The following ANKS1B variants were observed in gnomAD, a reference collection of about 807,000 sequenced individuals.
ANKS1B encodes the protein ankyrin repeat and sterile alpha motif domain-containing protein 1B.
Under a neutral mutation model 148.3 loss-of-function variants are expected in ANKS1B, and 36 were observed. The ratio of observed to expected loss-of-function variants is 0.24; its 90% CI spans 0.19 to 0.32. The LOEUF (loss-of-function observed/expected upper bound fraction) is 0.32. ANKS1B is among the 10% of genes least tolerant of loss of function. The pLI is 1.00. For synonymous variants in ANKS1B, 542 were observed against 560.8 expected, an observed-to-expected ratio of 0.97 and a Z score of 0.47; for missense variants, 1,157 against 1,542.6, an observed-to-expected ratio of 0.75 and a Z score of 4.19.
chr12:99,925,142 C>T (rs2094453559), intron 1 of ANKS1B, among the ~76,000 whole-genome samples: 1 of 152,084 alleles, frequency 6.6e-6, no homozygotes, highest in South Asian at 2.1e-4. Context: ...AAATTAAACC[C>T]TCTGTGGATA....
intron 17 of ANKS1B, among the ~76,000 whole-genome samples, chr12:99,014,553 C>A (rs2099941302): frequency 6.6e-6 from 1 of 152,100 alleles, no homozygotes; most frequent in Non-Finnish European, 1.5e-5. Context: ...AGCTTATGCA[C>A]AGCAAAAGAA....
rs1030307573 is a variant in ANKS1B, at chr12:99,403,760, T to C, written c.1576-3949A>G. Among the ~76,000 whole-genome samples the C allele has an allele frequency of 3.4e-5, 5 of 145,862 alleles. 2 individuals carry two copies. The highest frequency in any genetic ancestry group is 7.6e-5 in the Non-Finnish European group (5 of 66,104). ...TATGGTGATTCATCAAACAGAAATT[T>C]TGAGGATATTTCTGTTCCTAAAAAC... On this transcript the variant is annotated intron_variant, in intron 11 of 26. Coordinates refer to ENST00000683438, the MANE Select transcript of ANKS1B (RefSeq NM_001352186.2).
intron 11 of ANKS1B, among the ~76,000 whole-genome samples, chr12:99,409,555 A>G (rs1349829583): frequency 6.6e-6 from 1 of 152,110 alleles, no homozygotes; most frequent in Non-Finnish European, 1.5e-5. Flanking sequence ...GTTGATGAAC[A>G]CCCCATTTAC....
intron 24 of ANKS1B, among the ~76,000 whole-genome samples, chr12:98,778,733 G>A (rs2098704975): frequency 6.6e-6 from 1 of 152,128 alleles, no homozygotes; most frequent in African/African-American, 2.4e-5. Context: ...CTCCCACCCT[G>A]GCTGATGGTA....
intron 1 of ANKS1B, among the ~76,000 whole-genome samples, chr12:99,883,453 A>G (rs966275898): frequency 3.3e-5 from 5 of 152,208 alleles, no homozygotes; most frequent in African/African-American, 7.2e-5. Context: ...TAGTTTTTTG[A>G]GTAATAATTG....
At chr12:98,999,789 C>T (rs1433174385) in intron 17 of ANKS1B, among the ~76,000 whole-genome samples, 1 of 152,184 alleles carries the variant, frequency 6.6e-6, no homozygotes, top group Admixed American at 6.5e-5. Flanking sequence ...TTGGGCTGGG[C>T]TCTCCAAGTC....
intron 17 of ANKS1B, among the ~76,000 whole-genome samples, chr12:98,970,598 C>T (rs986541182): frequency 2.0e-5 from 3 of 152,298 alleles, no homozygotes; most frequent in African/African-American, 7.2e-5. Context: ...ACATCTAGTT[C>T]ATGTGGATCA....
intron 9 of ANKS1B, among the ~76,000 whole-genome samples, chr12:99,572,705 T>C (rs904641240): frequency 2.0e-5 from 3 of 152,000 alleles, no homozygotes; most frequent in Admixed American, 2.0e-4. Context: ...ATTAAATGGG[T>C]AAAATTCAGG....
intron 12 of ANKS1B, among the ~76,000 whole-genome samples, chr12:99,347,249 T>C (rs1255343966): frequency 1.3e-5 from 2 of 151,912 alleles, no homozygotes; most frequent in Non-Finnish European, 2.9e-5. Flanking sequence ...GAATATTAGA[T>C]GGGATAAACA....
intron 1 of ANKS1B, among the ~76,000 whole-genome samples, chr12:99,872,333 T>C (rs78718053): frequency 0.01 from 1,589 of 152,214 alleles, 29 homozygotes; most frequent in African/African-American, 0.036. Context: ...TTCTAGATGG[T>C]ACTTGCATAG....
In ANKS1B at chr12:99,096,418, G is replaced by A. The variant is rs111487499; in HGVS notation, c.2527-11395C>T. Among the ~76,000 whole-genome samples, 401 of 151,988 alleles carry A rather than the reference G, an allele frequency of 2.6e-3. 2 individuals carry two copies. The highest frequency in any genetic ancestry group is 8.6e-3 in the African/African-American group (357 of 41,436). On this transcript the variant is annotated intron_variant, in intron 15 of 26. Coordinates refer to ENST00000683438, the MANE Select transcript of ANKS1B (RefSeq NM_001352186.2). ...TTGAAAACTTTGTTTTGGCTTTTTC[G>A]AGTTTAAAATTCGGTGATGGGAAAA...
At chr12:99,115,608 C>A (rs780695993) in intron 15 of ANKS1B, among the ~76,000 whole-genome samples, 117 of 135,830 alleles carry the variant, frequency 8.6e-4, no homozygotes, top group Non-Finnish European at 1.5e-3. Context: ...CATATGTACC[C>A]CACAACCTAA....
chr12:98,877,528 T>G (rs967264859), intron 17 of ANKS1B, among the ~76,000 whole-genome samples: 11 of 152,206 alleles, frequency 7.2e-5, no homozygotes, highest in Non-Finnish European at 1.3e-4. Flanking sequence ...CCTTCAAGGA[T>G]GTATACATGG....
At chr12:99,639,413 G>GT (rs1191396064) in intron 9 of ANKS1B, among the ~76,000 whole-genome samples, 1 of 152,184 alleles carries the variant, frequency 6.6e-6, no homozygotes, top group East Asian at 1.9e-4. Context: ...GCTGAAATGA[G>GT]TTAAGACTTT....
intron 14 of ANKS1B, among the ~76,000 whole-genome samples, chr12:99,237,259 C>A (rs1440207894): frequency 6.6e-6 from 1 of 152,128 alleles, no homozygotes; most frequent in South Asian, 2.1e-4. Flanking sequence ...TTCAACTGTG[C>A]CTGCCTTACA....
intron 9 of ANKS1B, among the ~76,000 whole-genome samples, chr12:99,511,598 T>G (rs1457201935): frequency 1.3e-5 from 2 of 152,000 alleles, no homozygotes; most frequent in Non-Finnish European, 2.9e-5. Context: ...GGAGCCCGAA[T>G]AGCCAAGACA....
intron 9 of ANKS1B, among the ~76,000 whole-genome samples, chr12:99,598,928 G>A (rs978783923): frequency 1.3e-5 from 2 of 151,934 alleles, no homozygotes; most frequent in African/African-American, 2.4e-5. Flanking sequence ...GTGTTGGGTG[G>A]GCCACGCTCC....
intron 12 of ANKS1B, among the ~76,000 whole-genome samples, chr12:99,358,696 C>CAT (rs2092238346): frequency 6.6e-6 from 1 of 151,912 alleles, no homozygotes. Flanking sequence ...TACACACACA[C>CAT]ACACACACAC....
At chr12:99,344,800 G>C (rs10777968) in intron 12 of ANKS1B, 13 of 151,710 alleles carry the variant, frequency 8.6e-5, no homozygotes, top group Non-Finnish European at 1.6e-4. Flanking sequence ...ATAAGAAAAA[G>C]ATTTATCTAG....
Sources: gnomAD v4.1 joint callset for allele counts (sites outside exome capture counted in the v4.1 genomes callset) on GRCh38, gnomAD v4.1.1 for gene constraint, MANE v1.5 for transcripts, NCBI Gene and HGNC (gene_info 2026-07-23, HGNC 2026-07-21) for gene names.